The following LRBA variants were observed in gnomAD, a reference collection of about 807,000 sequenced individuals.
LRBA encodes lipopolysaccharide-responsive and beige-like anchor protein.
LRBA carries 176 observed loss-of-function variants against 330.0 expected under a neutral mutation model. The ratio of observed to expected loss-of-function variants is 0.53; its 90% CI spans 0.47 to 0.60. The LOEUF (loss-of-function observed/expected upper bound fraction) is 0.60, where lower values mean the gene tolerates loss of function less well. Ranked by LOEUF, LRBA falls within the 20% of genes least tolerant of loss-of-function variation. LRBA has a pLI of 0.00. For synonymous variants in LRBA, 1,230 were observed against 1,193.0 expected (o/e 1.03, Z -0.64); for missense variants, 3,259 against 3,444.8 (o/e 0.95, Z 1.35).
At chr4:150,408,915 T>C (rs1250532725) in intron 47 of LRBA, among the ~76,000 whole-genome samples, 2 of 152,094 alleles carry the variant, frequency 1.3e-5, no homozygotes, top group Admixed American at 6.6e-5. Context: ...GTTTGTGGCA[T>C]AAAATAAGGT....
intron 2 of LRBA, among the ~76,000 whole-genome samples, chr4:150,999,857 A>G (rs889164666): frequency 2.0e-5 from 3 of 152,236 alleles, no homozygotes; most frequent in Non-Finnish European, 4.4e-5. Context: ...AGCAAAACAG[A>G]CAAAAATCTC....
At chr4:150,982,935 C>G (rs1230489584) in intron 2 of LRBA, among the ~76,000 whole-genome samples, 1 of 152,118 alleles carries the variant, frequency 6.6e-6, no homozygotes, top group East Asian at 1.9e-4. Context: ...AACTGTATAC[C>G]AAATTATTTC....
intron 40 of LRBA, among the ~76,000 whole-genome samples, chr4:150,556,974 T>C (rs1767402984): frequency 6.6e-6 from 1 of 152,108 alleles, no homozygotes; most frequent in South Asian, 2.1e-4. Context: ...TAAAAGGACG[T>C]TTGTTATGTG....
At chr4:150,401,949 T>C (rs1745523942) in intron 47 of LRBA, among the ~76,000 whole-genome samples, 1 of 151,390 alleles carries the variant, frequency 6.6e-6, no homozygotes, top group Non-Finnish European at 1.5e-5. Flanking sequence ...AAAACTCACA[T>C]AAAAAAGAGG....
At chr4:150,700,593 A>C (rs1279826643) in intron 36 of LRBA, among the ~76,000 whole-genome samples, 1 of 152,124 alleles carries the variant, frequency 6.6e-6, no homozygotes, top group Non-Finnish European at 1.5e-5. Context: ...ATTAGAAATT[A>C]TTTTCTTCAA....
intron 36 of LRBA, among the ~76,000 whole-genome samples, chr4:150,712,788 C>T (rs530107347): frequency 5.7e-4 from 87 of 152,194 alleles, no homozygotes; most frequent in Non-Finnish European, 9.9e-4. Flanking sequence ...AGCTACAAAA[C>T]GGCAAAACCC....
intron 47 of LRBA, among the ~76,000 whole-genome samples, chr4:150,392,593 C>T (rs776628057): frequency 1.3e-5 from 2 of 152,010 alleles, no homozygotes; most frequent in African/African-American, 2.4e-5. Context: ...TCTTTGTGAG[C>T]GAATGGAGTT....
chr4:150,685,852 A>G (rs1212708551), intron 36 of LRBA, among the ~76,000 whole-genome samples: 3 of 152,170 alleles, frequency 2.0e-5, no homozygotes, highest in Non-Finnish European at 4.4e-5. Context: ...CCTTTAAAGC[A>G]AAGGCAAGGC....
chr4:150,646,173 C>A (rs553157638), intron 37 of LRBA, among the ~76,000 whole-genome samples: 8 of 151,866 alleles, frequency 5.3e-5, no homozygotes, highest in Non-Finnish European at 1.0e-4. Context: ...TGTCCAGATT[C>A]TGGCTATATT....
At chr4:150,656,592 AAC>A (rs1477888348) in intron 37 of LRBA, among the ~76,000 whole-genome samples, 3 of 152,248 alleles carry the variant, frequency 2.0e-5, no homozygotes, top group Non-Finnish European at 4.4e-5. Flanking sequence ...TACTCAGAAC[AAC>A]ACAGTCTACA....
Position 150,809,069 on chromosome 4 carries a change from G to C in LRBA, c.5306-671C>G, listed in dbSNP as rs1255828494. On this transcript the variant is annotated intron_variant, in intron 31 of 56. Transcript: ENST00000651943. Reference sequence around the variant, plus strand: ...TCAGGCTGGAGGTTGTGTTGGCCCAGAGAAAGTTATTGGAGCCAGTGTGAG... The same window carrying C: ...TCAGGCTGGAGGTTGTGTTGGCCCACAGAAAGTTATTGGAGCCAGTGTGAG... Among the ~76,000 whole-genome samples the C allele has an allele frequency of 1.3e-5, 2 of 152,176 alleles. 1 individual carries two copies. Among genetic ancestry groups the C allele is most frequent in the Non-Finnish European group, 2.9e-5 (2 of 68,034 alleles).
chr4:150,445,012 T>C (rs994630690), intron 44 of LRBA, among the ~76,000 whole-genome samples: 1 of 152,058 alleles, frequency 6.6e-6, no homozygotes, highest in Non-Finnish European at 1.5e-5. Context: ...AACGACCCCA[T>C]AGACAGTCCA....
chr4:150,639,811 G>GTATATATATATATATATATATATA (rs1778424675), intron 37 of LRBA, among the ~76,000 whole-genome samples: 1 of 13,838 alleles, frequency 7.2e-5, no homozygotes, highest in African/African-American at 3.7e-4. Context: ...ATATATGTGT[G>GTATATATATATATATATATATATA]TGTGTGTGTA....
chr4:150,770,082 C>T (rs1371700957), intron 34 of LRBA, among the ~76,000 whole-genome samples: 2 of 152,124 alleles, frequency 1.3e-5, no homozygotes, highest in Non-Finnish European at 2.9e-5. Context: ...ATCAATCACC[C>T]GATTTGTTGA....
intron 37 of LRBA, among the ~76,000 whole-genome samples, chr4:150,621,810 G>C (rs1403216038): frequency 6.6e-6 from 1 of 152,164 alleles, no homozygotes; most frequent in Non-Finnish European, 1.5e-5. Flanking sequence ...AAGGAGGACA[G>C]AATGCAATAA....
Position 150,867,757 on chromosome 4 carries a change from ATATGGCG to A in LRBA, c.2673_2679del (p.Ala892SerfsTer20). ...ACTGCATGGTAAAGCAGGATTCTGA[ATATGGCG>A]TATACCATTTCTGTTATCTTTTGCT... On this transcript the variant is annotated frameshift_variant, in exon 22 of 57. Transcript: ENST00000651943. LOFTEE classifies it high-confidence loss of function. 1.2e-6 allele frequency: 2 copies of A among 1,613,962 alleles called. No individual in the cohort carries two copies. Among genetic ancestry groups the A allele is most frequent in the Non-Finnish European group, 1.7e-6 (2 of 1,179,872 alleles).
chr4:151,004,706 C>T (rs1244546919), intron 2 of LRBA, among the ~76,000 whole-genome samples: 1 of 152,210 alleles, frequency 6.6e-6, no homozygotes, highest in African/African-American at 2.4e-5. Context: ...AAGGTAACGG[C>T]TGGGCGCGGT....
chr4:150,361,203 T>G (rs1738636055), intron 47 of LRBA, among the ~76,000 whole-genome samples: 1 of 152,164 alleles, frequency 6.6e-6, no homozygotes, highest in African/African-American at 2.4e-5. Flanking sequence ...TACAATAACA[T>G]TCTGATTCCC....
intron 53 of LRBA, among the ~76,000 whole-genome samples, chr4:150,300,876 T>C (rs994413109): frequency 7.9e-5 from 12 of 152,096 alleles, no homozygotes; most frequent in Admixed American, 7.9e-4. Context: ...AGCTGCTTTT[T>C]AGAATACACA....
Sources: gnomAD v4.1 joint callset for allele counts (sites outside exome capture counted in the v4.1 genomes callset) on GRCh38, gnomAD v4.1.1 for gene constraint, MANE v1.5 for transcripts, NCBI Gene and HGNC (gene_info 2026-07-23, HGNC 2026-07-21) for gene names.